HOMER1: variants seen among roughly 807,000 people sequenced by gnomAD.
The protein encoded by HOMER1 is homer scaffold protein 1.
HOMER1 carries 3 observed loss-of-function variants against 48.9 expected under a neutral mutation model. The ratio of observed to expected loss-of-function variants is 0.06; its 90% confidence interval spans 0.03 to 0.16. The LOEUF (loss-of-function observed/expected upper bound fraction) is 0.16, where lower values mean the gene tolerates loss of function less well. Ranked by LOEUF, HOMER1 falls within the 10% of genes least tolerant of loss-of-function variation. HOMER1 has a pLI of 1.00. For synonymous variants in HOMER1, 134 were observed against 146.4 expected (o/e 0.92, Z 0.61); for missense variants, 247 against 411.4 (o/e 0.60, Z 3.46).
chr5:79,400,722 TA>T (rs112333151), intron 6 of HOMER1, among the ~76,000 whole-genome samples: 40 of 123,196 alleles, frequency 3.2e-4, no homozygotes, highest in Non-Finnish European at 5.2e-4. Context: ...TGCCTTGAAT[TA>T]AAAAAAAAAA....
chr5:79,412,746 A>G (rs936289689), intron 5 of HOMER1, among the ~76,000 whole-genome samples: 1 of 152,264 alleles, frequency 6.6e-6, no homozygotes, highest in African/African-American at 2.4e-5. Context: ...ATACAATTCA[A>G]AATTAGTTGA....
At chr5:79,448,768 T>C (rs181161362) in intron 3 of HOMER1, among the ~76,000 whole-genome samples, 1 of 152,114 alleles carries the variant, frequency 6.6e-6, no homozygotes, top group East Asian at 1.9e-4. Flanking sequence ...GCCTGAAAAA[T>C]AAATTATGAT....
chr5:79,465,799 TA>T (rs1751448984), intron 1 of HOMER1, among the ~76,000 whole-genome samples: 1 of 151,932 alleles, frequency 6.6e-6, no homozygotes, highest in South Asian at 2.1e-4. Context: ...TTCACCGTGT[TA>T]GCCAGGATGG....
At chr5:79,387,152 C>T (rs1749140142) in intron 8 of HOMER1, among the ~76,000 whole-genome samples, 1 of 150,792 alleles carries the variant, frequency 6.6e-6, no homozygotes, top group Non-Finnish European at 1.5e-5. Flanking sequence ...TTCTTTCTTT[C>T]ACAAGGTCTC....
intron 1 of HOMER1, among the ~76,000 whole-genome samples, chr5:79,509,036 T>C (rs1396132779): frequency 2.0e-5 from 3 of 152,228 alleles, no homozygotes; most frequent in African/African-American, 7.2e-5. Context: ...TTTATAGTGC[T>C]GGATCAAGAT....
intron 6 of HOMER1, among the ~76,000 whole-genome samples, chr5:79,401,484 C>T (rs1749536023): frequency 1.3e-5 from 2 of 152,138 alleles, no homozygotes; most frequent in South Asian, 4.1e-4. Context: ...ATCCCCTCCC[C>T]AGGACAACTC....
chr5:79,379,293 T>C (rs1748889656), intron 8 of HOMER1, among the ~76,000 whole-genome samples: 1 of 103,928 alleles, frequency 9.6e-6, no homozygotes, highest in African/African-American at 3.9e-5. Flanking sequence ...ATTATATATA[T>C]TAAAATTGTC....
rs1303400071 is a variant in HOMER1, at chr5:79,512,784, T to C, written c.-10A>G. ...AAAATCCTTACCCCATTTTGCCCAATGAAAACTTGCTCTGAAGTTTCAGCT... is the reference window on the plus strand; with the variant it reads ...AAAATCCTTACCCCATTTTGCCCAACGAAAACTTGCTCTGAAGTTTCAGCT... On this transcript the variant is annotated 5_prime_UTR_variant, in exon 1 of 9. Transcript: ENST00000334082. 1.2e-6 allele frequency: 2 copies of C among 1,613,526 alleles called. No homozygotes were observed. Among genetic ancestry groups the C allele is most frequent in the Non-Finnish European group, 1.7e-6 (2 of 1,179,688 alleles).
At chr5:79,471,999 T>C (rs1205806387) in intron 1 of HOMER1, among the ~76,000 whole-genome samples, 1 of 152,188 alleles carries the variant, frequency 6.6e-6, no homozygotes, top group Admixed American at 6.5e-5. Context: ...CCCTCTTCCC[T>C]TTATTTCTTT....
At chr5:79,450,058 T>C (rs1043933417) in intron 3 of HOMER1, among the ~76,000 whole-genome samples, 5 of 152,224 alleles carry the variant, frequency 3.3e-5, no homozygotes, top group Non-Finnish European at 7.3e-5. Flanking sequence ...ATATAAACAC[T>C]GTATATCTAC....
intron 1 of HOMER1, among the ~76,000 whole-genome samples, chr5:79,467,606 A>C (rs1213229293): frequency 6.6e-6 from 1 of 152,198 alleles, no homozygotes; most frequent in Non-Finnish European, 1.5e-5. Flanking sequence ...TACTTGAACA[A>C]AATGTTAACA....
intron 5 of HOMER1, among the ~76,000 whole-genome samples, chr5:79,420,494 C>G (rs2112246101): frequency 6.6e-6 from 1 of 152,334 alleles, no homozygotes. Flanking sequence ...CGCCTGCCCT[C>G]TTCCCTCACT....
chr5:79,445,855 A>G (rs993841296), intron 4 of HOMER1, among the ~76,000 whole-genome samples: 1 of 152,240 alleles, frequency 6.6e-6, no homozygotes, highest in Non-Finnish European at 1.5e-5. Context: ...CAGAGGTTGC[A>G]GCGACCCGAG....
intron 5 of HOMER1, among the ~76,000 whole-genome samples, chr5:79,409,910 G>A (rs1486961919): frequency 5.3e-5 from 8 of 152,184 alleles, no homozygotes; most frequent in East Asian, 3.9e-4. Context: ...ACCCTAGTAC[G>A]CTGTTGGTAG....
At chr5:79,408,478 T>C (rs1208411328) in intron 5 of HOMER1, among the ~76,000 whole-genome samples, 2 of 152,054 alleles carry the variant, frequency 1.3e-5, no homozygotes, top group East Asian at 1.9e-4. Flanking sequence ...AAAATGAAGA[T>C]AATTATAAAA....
chr5:79,489,987 G>C (rs1293963349), intron 1 of HOMER1, among the ~76,000 whole-genome samples: 1 of 152,176 alleles, frequency 6.6e-6, no homozygotes, highest in Non-Finnish European at 1.5e-5. Flanking sequence ...CTAGGTAAGA[G>C]GTCTAGGTTG....
At chr5:79,443,437 G>A (rs992191971) in intron 4 of HOMER1, among the ~76,000 whole-genome samples, 10 of 152,122 alleles carry the variant, frequency 6.6e-5, no homozygotes, top group African/African-American at 2.2e-4. Context: ...GGAGCTCACC[G>A]ATCTGAGTTT....
chr5:79,439,433 A>T (rs1282922529), intron 4 of HOMER1, among the ~76,000 whole-genome samples: 2 of 152,218 alleles, frequency 1.3e-5, no homozygotes, highest in Admixed American at 1.3e-4. Context: ...AGTTTCGAAT[A>T]ATTTAAAAAT....
chr5:79,453,387 T>C (rs1379148911), intron 2 of HOMER1, among the ~76,000 whole-genome samples: 1 of 152,200 alleles, frequency 6.6e-6, no homozygotes, highest in South Asian at 2.1e-4. Context: ...CCCCCTCATT[T>C]TAACTATTTC....
Sources: gnomAD v4.1 joint callset for allele counts (sites outside exome capture counted in the v4.1 genomes callset) on GRCh38, gnomAD v4.1.1 for gene constraint, MANE v1.5 for transcripts, NCBI Gene and HGNC (gene_info 2026-07-23, HGNC 2026-07-21) for gene names.